Variants in RBM11 observed in about 807,000 individuals in gnomAD.
The protein encoded by RBM11 is RNA binding motif protein 11.
In RBM11, 18 loss-of-function variants were observed where a neutral mutation model predicts 21.4. That is an observed-to-expected ratio of 0.84 (90% CI 0.58 to 1.25). The LOEUF (loss-of-function observed/expected upper bound fraction) is 1.25, where lower values mean the gene tolerates loss of function less well. RBM11 is among the 50% of genes most tolerant of loss of function. The pLI is 0.00. For missense variants in RBM11, 294 were observed against 331.9 expected, an observed-to-expected ratio of 0.89 and a Z score of 0.89; for synonymous variants, 120 against 116.3, an observed-to-expected ratio of 1.03 and a Z score of -0.20.
At chr21:14,226,206 A>T (rs77734692) in intron 4 of RBM11, among the ~76,000 whole-genome samples, 6,807 of 152,234 alleles carry the variant, frequency 0.045, 457 homozygotes, top group African/African-American at 0.15. Context: ...TATCTCATTA[A>T]TTTTATATCA....
chr21:14,222,230 A>G (rs528093179), intron 3 of RBM11, among the ~76,000 whole-genome samples: 115 of 152,192 alleles, frequency 7.6e-4, no homozygotes, highest in African/African-American at 2.4e-3. Context: ...ATAGAGATCT[A>G]TATCTATATA....
At chr21:14,216,319 C>T (rs2020441946) in intron 1 of RBM11, 37 bp downstream of exon 1, 1 of 1,577,616 alleles carries the variant, frequency 6.3e-7, no homozygotes, top group South Asian at 1.1e-5. Flanking sequence ...AGGGGCGGAG[C>T]ACGTCGGGCC....
chr21:14,216,233 A>G lies in RBM11; in HGVS notation c.47A>G (p.Asn16Ser). The change falls in exon 1 of 5, where the codon AAT becomes AGT. Residue 16 changes from asparagine (N) to serine (S), a missense_variant. By Grantham distance (46) the Asn-to-Ser change is conservative (BLOSUM62 1). This residue lies in a region of RBM11 where 181 missense variants were observed against 164.6 expected (regional missense o/e 1.10). Transcript: ENST00000400577. ...EEADRTVFVG[N>S]LEARVREEIL... ...GCCGACAGGACCGTGTTTGTTGGGA[A>G]TTTAGAGGCCCGAGTTCGGGAAGAG... 3.7e-6 allele frequency: 6 copies of G among 1,613,808 alleles called. No individual in the cohort carries two copies. The highest frequency in any genetic ancestry group is 5.1e-6 in the Non-Finnish European group (6 of 1,179,786).
chr21:14,224,272 T>C, intron 3 of RBM11, 166 bp from the exon 4 acceptor site: 1 of 1,050,902 alleles, frequency 9.5e-7, no homozygotes, highest in Non-Finnish European at 1.3e-6. Context: ...AACAGCTGAA[T>C]TTTGGGGAGA....
chr21:14,218,268 T>A (rs1978377546), intron 1 of RBM11, among the ~76,000 whole-genome samples: 1 of 152,222 alleles, frequency 6.6e-6, no homozygotes, highest in Admixed American at 6.5e-5. Context: ...TACATCTATT[T>A]AATATCTGTA....
In RBM11 at chr21:14,227,042, C is replaced by A. The variant is rs1239515723; in HGVS notation, c.595C>A (p.Leu199Ile). The A allele has an allele frequency of 1.2e-6, 2 of 1,612,694 alleles. No homozygotes were observed. Among genetic ancestry groups the A allele is most frequent in the Non-Finnish European group, 1.7e-6 (2 of 1,179,728 alleles). The change falls in exon 5 of 5, where the codon CTT (leucine) becomes ATT (isoleucine). Residue 199 changes from leucine to isoleucine, a missense_variant. By Grantham distance (5) the Leu-to-Ile change is conservative. Transcript: ENST00000400577. ...WTHQQPSDSD[L>I]YQMTAPLPNS... ...TCACCAACAACCAAGTGACTCTGACCTTTATCAGATGACAGCTCCACTTCC... is the reference window on the plus strand; with the variant it reads ...TCACCAACAACCAAGTGACTCTGACATTTATCAGATGACAGCTCCACTTCC...
intron 3 of RBM11, among the ~76,000 whole-genome samples, chr21:14,222,962 T>A (rs545140312): frequency 4.6e-5 from 7 of 152,286 alleles, no homozygotes; most frequent in Non-Finnish European, 8.8e-5. Context: ...TAAGAACTCC[T>A]TTTTTCTACT....
intron 1 of RBM11, among the ~76,000 whole-genome samples, chr21:14,217,814 A>C (rs1978341214): frequency 6.6e-6 from 1 of 152,120 alleles, no homozygotes; most frequent in South Asian, 2.1e-4. Context: ...TTGAGCCTCC[A>C]AAAAAAGGAG....
In RBM11 at chr21:14,227,462, C is replaced by A; in HGVS notation, c.*169C>A. ...CAATTTTTGCCTTGAACGACAAAAG[C>A]TTTCTAAAAATAGTATAATGTACCA... On this transcript the variant is annotated 3_prime_UTR_variant, in exon 5 of 5. Transcript: ENST00000400577. 1.4e-6 allele frequency: 1 copy of A among 705,560 alleles called. No individual in the cohort carries two copies. The highest frequency in any genetic ancestry group is 2.2e-6 in the Non-Finnish European group (1 of 454,000). The allele number at this position is 705,560 out of a possible 1,614,324, so 43.7% of individuals were successfully genotyped here.
chr21:14,221,201 A>G (rs1221607042), intron 3 of RBM11, 32 bp downstream of exon 3: 2 of 1,513,142 alleles, frequency 1.3e-6, no homozygotes, highest in Non-Finnish European at 1.8e-6. Flanking sequence ...ATCAAAGGTA[A>G]AGCAAATATA....
At chr21:14,221,867 A>G (rs962777956) in intron 3 of RBM11, among the ~76,000 whole-genome samples, 20 of 152,212 alleles carry the variant, frequency 1.3e-4, no homozygotes, top group African/African-American at 4.6e-4. Context: ...AGAAGGACGA[A>G]CTAGCTGAAT....
chr21:14,219,003 A>G (rs1357616750), intron 1 of RBM11, among the ~76,000 whole-genome samples: 5 of 152,202 alleles, frequency 3.3e-5, no homozygotes. Flanking sequence ...ACAATGCAAT[A>G]TACTTAAAAG....
rs199642854 is a variant in RBM11, at chr21:14,216,202, G to A, written c.16G>A (p.Glu6Lys). 3 of 1,613,716 alleles carry A rather than the reference G, an allele frequency of 1.9e-6. No individual in the cohort carries two copies. The highest frequency in any genetic ancestry group is 2.5e-6 in the Non-Finnish European group (3 of 1,179,766). The change falls in exon 1 of 5, where the codon GAG becomes AAG. Residue 6 changes from glutamate (E) to lysine (K), a missense_variant. Glu to Lys is a moderately conservative substitution (Grantham distance 56, BLOSUM62 1). Transcript: ENST00000400577. The part of the protein sequence containing the change: MFPAQ[E>K]EADRTVFVGN... Reference sequence around the variant, plus strand: ...AGACCGGAGGATGTTCCCTGCTCAGGAGGAGGCCGACAGGACCGTGTTTGT... The same window carrying A: ...AGACCGGAGGATGTTCCCTGCTCAGAAGGAGGCCGACAGGACCGTGTTTGT...
In RBM11 at chr21:14,227,277, A is replaced by AG; in HGVS notation, c.831dup (p.Lys278GlufsTer16). ...AGCCAAAAGTTCCGAAAGTCTAAGA[A>AG]GAAGAAAAGATACTAGTATTACCTA... On this transcript the variant is annotated frameshift_variant, in exon 5 of 5. Transcript: ENST00000400577. LOFTEE classifies it high-confidence loss of function. The AG allele has an allele frequency of 1.2e-6, 2 of 1,610,772 alleles. No individual in the cohort carries two copies. The highest frequency in any genetic ancestry group is 8.5e-7 in the Non-Finnish European group (1 of 1,178,708).
At chr21:14,221,585 C>T (rs1306510983) in intron 3 of RBM11, 1 of 152,850 alleles carries the variant, frequency 6.5e-6, no homozygotes, top group East Asian at 1.9e-4. Context: ...GACATTAAGC[C>T]ATTGAATTAA....
In RBM11 at chr21:14,224,431, C is replaced by G; in HGVS notation, c.333-7C>G. 6.5e-7 allele frequency: 1 copy of G among 1,548,816 alleles called. No individual in the cohort carries two copies. The highest frequency in any genetic ancestry group is 8.7e-7 in the Non-Finnish European group (1 of 1,146,932). ...ATTTTATTACTTCTTCTTTCATCTC[C>G]TCAAAGGAATGAAGAAATGTTGGTG... is the stretch of plus-strand genomic sequence containing the variant. On this transcript the variant is annotated splice_region_variant and splice_polypyrimidine_tract_variant and intron_variant, in intron 3 of 4. Coordinates refer to ENST00000400577, the MANE Select transcript of RBM11 (RefSeq NM_144770.5).
intron 4 of RBM11, among the ~76,000 whole-genome samples, chr21:14,225,660 T>TAA (rs71183413): frequency 1.7e-4 from 26 of 149,474 alleles, no homozygotes; most frequent in African/African-American, 6.4e-4. Flanking sequence ...TAACTTTTGC[T>TAA]AAAAAAAAAA....
At chr21:14,219,296 C>T (rs763617023) in intron 1 of RBM11, among the ~76,000 whole-genome samples, 4 of 152,198 alleles carry the variant, frequency 2.6e-5, no homozygotes, top group East Asian at 1.9e-4. Flanking sequence ...TTAAGCCTAA[C>T]AGAAGGATAG....
Position 14,221,122 on chromosome 21 carries a change from T to C in RBM11, c.285T>C (p.Ala95=), listed in dbSNP as rs201657452. 3.2e-6 allele frequency: 5 copies of C among 1,580,814 alleles called. No homozygotes were observed. Among genetic ancestry groups the C allele is most frequent in the Non-Finnish European group, 3.4e-6 (4 of 1,161,896 alleles). ...RFGSSRSSEP[A]NQSFESCVKI... is the part of the protein sequence containing the mutation. ...GGAGTTCTCGCTCTTCTGAACCAGC[T>C]AACCAAAGTTTTGAGAGCTGTGTTA... Residue 95 remains alanine (A), a synonymous_variant, in exon 3 of 5, where the codon GCT becomes GCC. Coordinates refer to ENST00000400577, the MANE Select transcript of RBM11 (RefSeq NM_144770.5).
Sources: gnomAD v4.1 joint callset for allele counts (sites outside exome capture counted in the v4.1 genomes callset) on GRCh38, gnomAD v4.1.1 for gene constraint, gnomAD v4.1.1 regional missense constraint, MANE v1.5 for transcripts, NCBI Gene and HGNC (gene_info 2026-07-23, HGNC 2026-07-21) for gene names.